The following ABTB2 variants were observed in gnomAD, a reference collection of about 807,000 sequenced individuals.
ABTB2 encodes ankyrin repeat and BTB/POZ domain-containing protein 2.
ABTB2 carries 56 observed loss-of-function variants against 104.1 expected under a neutral mutation model. The ratio of observed to expected loss-of-function variants is 0.54; its 90% CI spans 0.43 to 0.67. The LOEUF is 0.67. ABTB2 is among the 30% of genes least tolerant of loss of function. The probability of loss-of-function intolerance (pLI) is 0.00; values close to 1 mark genes in which losing one functional copy is unlikely to be tolerated. For synonymous variants in ABTB2, 606 were observed against 608.2 expected, an observed-to-expected ratio of 1.00 and a Z score of 0.05; for missense variants, 1,279 against 1,407.7, an observed-to-expected ratio of 0.91 and a Z score of 1.46.
intron 1 of ABTB2, among the ~76,000 whole-genome samples, chr11:34,251,803 T>C (rs1479088581): frequency 6.6e-6 from 1 of 152,090 alleles, no homozygotes. Flanking sequence ...AAGCAGAATG[T>C]GAGGCTATCT....
At chr11:34,300,085 G>T (rs984474866) in intron 1 of ABTB2, among the ~76,000 whole-genome samples, 1 of 152,152 alleles carries the variant, frequency 6.6e-6, no homozygotes, top group Non-Finnish European at 1.5e-5. Flanking sequence ...GGTGAGGAAG[G>T]GTTCTCTTTT....
chr11:34,335,752 T>C (rs1488974245), intron 1 of ABTB2: 30 of 1,393,100 alleles, frequency 2.2e-5, no homozygotes, highest in Middle Eastern at 1.9e-4. Context: ...AGCAGTCCCA[T>C]TGAGGTGACA....
chr11:34,163,772 G>A (rs1246703460), intron 9 of ABTB2, among the ~76,000 whole-genome samples: 5 of 152,220 alleles, frequency 3.3e-5, no homozygotes, highest in Non-Finnish European at 5.9e-5. Flanking sequence ...TGGGCCAGGC[G>A]CTGGCATGTG....
chr11:34,326,629 C>CAAA (rs35018448), intron 1 of ABTB2, among the ~76,000 whole-genome samples: 8 of 102,394 alleles, frequency 7.8e-5, no homozygotes, highest in African/African-American at 1.4e-4. Context: ...GACCCTGTCT[C>CAAA]AAAAAAAAAA....
chr11:34,315,995 T>C (rs1289448337), intron 1 of ABTB2, among the ~76,000 whole-genome samples: 1 of 152,246 alleles, frequency 6.6e-6, no homozygotes, highest in Non-Finnish European at 1.5e-5. Flanking sequence ...GCAGTTAAAA[T>C]GTTAAGAACA....
At chr11:34,234,156 C>T (rs988913932) in intron 1 of ABTB2, among the ~76,000 whole-genome samples, 2 of 152,132 alleles carry the variant, frequency 1.3e-5, no homozygotes, top group African/African-American at 2.4e-5. Context: ...CCCCTCCCCT[C>T]CCCTGTTGGG....
At chr11:34,167,404 C>T (rs370092511) in intron 6 of ABTB2, 44 bp from the exon 7 acceptor site, 198 of 1,516,524 alleles carry the variant, frequency 1.3e-4, no homozygotes, top group Non-Finnish European at 8.7e-5. Context: ...GGCACCCGAG[C>T]GAAGGGAGTA....
At chr11:34,318,004 C>G (rs999414654) in intron 1 of ABTB2, among the ~76,000 whole-genome samples, 1 of 151,444 alleles carries the variant, frequency 6.6e-6, no homozygotes, top group Non-Finnish European at 1.5e-5. Context: ...GCTCTGTCAC[C>G]CAGGCTGGAT....
chr11:34,283,261 G>C (rs1015398265), intron 1 of ABTB2, among the ~76,000 whole-genome samples: 7 of 151,992 alleles, frequency 4.6e-5, no homozygotes, highest in African/African-American at 1.5e-4. Context: ...TGTAACCCAG[G>C]CTGGAGTGCA....
intron 1 of ABTB2, among the ~76,000 whole-genome samples, chr11:34,229,325 C>CA (rs1853735339): frequency 6.6e-6 from 1 of 150,530 alleles, no homozygotes; most frequent in African/African-American, 2.4e-5. Flanking sequence ...ACCAAAAATA[C>CA]AAAAAATTAG....
chr11:34,164,609 C>T, intron 9 of ABTB2, 77 bp downstream of exon 9: 1 of 1,376,518 alleles, frequency 7.3e-7, no homozygotes, highest in Non-Finnish European at 9.4e-7. Context: ...CTTTTGCTCC[C>T]ATCGGGGAAA....
intron 1 of ABTB2, among the ~76,000 whole-genome samples, chr11:34,352,375 C>T (rs1223219200): frequency 6.6e-6 from 1 of 152,078 alleles, no homozygotes; most frequent in Non-Finnish European, 1.5e-5. Context: ...TAAATTAGCC[C>T]CGTCACACCA....
At position 34,356,768 on chromosome 11, in the gene ABTB2, G is replaced by C; in HGVS notation, c.816C>G (p.Asn272Lys). The C allele has an allele frequency of 6.2e-7, 1 of 1,611,686 alleles. No individual in the cohort carries two copies. The highest frequency in any genetic ancestry group is 8.5e-7 in the Non-Finnish European group (1 of 1,179,048). ...AGACGCCCCAGAGCTCGGCGTCGTT[G>C]TTGATGACCATCTCCAGGGCCTCAG... ...VSAEALEMVINNDAELWGVLQ... is the reference protein window; with the variant it reads ...VSAEALEMVIKNDAELWGVLQ... The change falls in exon 1 of 17, where the codon AAC becomes AAG. Residue 272 changes from asparagine (N) to lysine (K), a missense_variant. Physicochemically the swap from Asn to Lys is moderately conservative, Grantham distance 94 (BLOSUM62 0). Coordinates refer to ENST00000435224, the MANE Select transcript of ABTB2 (RefSeq NM_145804.3). The surrounding 1 kb of genome is among the most constrained non-coding windows in gnomAD (Gnocchi z 4.6).
intron 2 of ABTB2, 21 bp downstream of exon 2, chr11:34,204,523 A>T: frequency 6.3e-7 from 1 of 1,580,876 alleles, no homozygotes; most frequent in Non-Finnish European, 8.6e-7. Context: ...CCATCCAGCT[A>T]GACACTGAGG....
chr11:34,199,324 T>C (rs1853307167), intron 2 of ABTB2, among the ~76,000 whole-genome samples: 1 of 151,948 alleles, frequency 6.6e-6, no homozygotes. Flanking sequence ...TCCTCACTCC[T>C]CCCTACTCCT....
intron 3 of ABTB2, among the ~76,000 whole-genome samples, chr11:34,181,965 T>C (rs1349599735): frequency 6.6e-6 from 1 of 152,242 alleles, no homozygotes; most frequent in Non-Finnish European, 1.5e-5. Flanking sequence ...CCCTTTCTCA[T>C]GGATCATGCC....
chr11:34,172,973 A>G (rs528429987), intron 4 of ABTB2, among the ~76,000 whole-genome samples, 182 bp downstream of exon 4: 10 of 152,354 alleles, frequency 6.6e-5, no homozygotes, highest in Admixed American at 2.0e-4. Flanking sequence ...GCCAAAGTCT[A>G]CAATAGATCT....
At chr11:34,214,556 T>A (rs796314626) in intron 1 of ABTB2, among the ~76,000 whole-genome samples, 7,984 of 103,170 alleles carry the variant, frequency 0.077, 758 homozygotes, top group African/African-American at 0.24. Context: ...TTTTTTTTTT[T>A]AAAGTCAGGT....
intron 1 of ABTB2, among the ~76,000 whole-genome samples, chr11:34,293,948 A>G (rs761126922): frequency 3.9e-5 from 6 of 152,202 alleles, no homozygotes; most frequent in Non-Finnish European, 8.8e-5. Context: ...CTGGTCGGTA[A>G]AATGTTAACA....
Sources: allele counts gnomAD v4.1 joint callset (sites outside exome capture counted in the v4.1 genomes callset), GRCh38; gene constraint gnomAD v4.1.1; non-coding constraint Gnocchi (gnomAD v3.1); transcripts MANE v1.5; gene names NCBI Gene and HGNC (gene_info 2026-07-23, HGNC 2026-07-21).